POFUT3: variants seen among roughly 807,000 people sequenced by gnomAD.
POFUT3 encodes protein O-fucosyltransferase 3, also known as GDP-fucose protein O-fucosyltransferase 3.
At chr8:33,316,467 TC>T in the POFUT3 span, among the ~76,000 whole-genome samples, 3 of 151,712 alleles carry the variant, frequency 2.0e-5, no homozygotes, top group Non-Finnish European at 4.4e-5. Flanking sequence ...ATACCTGTAA[TC>T]CCAGCACTTT....
At chr8:33,353,396 T>G in the POFUT3 span, among the ~76,000 whole-genome samples, 1 of 152,228 alleles carries the variant, frequency 6.6e-6, no homozygotes, top group African/African-American at 2.4e-5. Flanking sequence ...TCTGATCAAG[T>G]TGACACAGAC....
chr8:33,414,942 A>G, the POFUT3 span, among the ~76,000 whole-genome samples: 1 of 144,048 alleles, frequency 6.9e-6, no homozygotes, highest in African/African-American at 2.6e-5. Flanking sequence ...CCATCACCAA[A>G]CCCCACTAAA....
At chr8:33,465,973 G>A in the POFUT3 span, among the ~76,000 whole-genome samples, 1 of 152,308 alleles carries the variant, frequency 6.6e-6, no homozygotes, top group East Asian at 1.9e-4. Flanking sequence ...CATAGCTCAG[G>A]TCTATCATAG....
At chr8:33,427,057 A>T in the POFUT3 span, among the ~76,000 whole-genome samples, 4 of 152,230 alleles carry the variant, frequency 2.6e-5, no homozygotes, top group East Asian at 7.7e-4. Flanking sequence ...GCAAACAAGC[A>T]TACAGCCCCC....
the POFUT3 span, among the ~76,000 whole-genome samples, chr8:33,333,396 C>G: frequency 6.6e-6 from 1 of 152,112 alleles, no homozygotes; most frequent in Admixed American, 6.6e-5. Context: ...GATATACTCC[C>G]TTCCTTTATA....
At chr8:33,414,825 G>C in the POFUT3 span, among the ~76,000 whole-genome samples, 6 of 152,004 alleles carry the variant, frequency 3.9e-5, no homozygotes, top group Middle Eastern at 3.4e-3. Context: ...AGTTGACTTG[G>C]ACACCTAAAC....
chr8:33,407,194 A>G, the POFUT3 span, among the ~76,000 whole-genome samples: 2 of 152,218 alleles, frequency 1.3e-5, no homozygotes, highest in African/African-American at 4.8e-5. Context: ...CAGATATTTT[A>G]TCTGAACATC....
the POFUT3 span, among the ~76,000 whole-genome samples, chr8:33,366,255 C>T: frequency 1.4e-4 from 21 of 152,028 alleles, no homozygotes; most frequent in African/African-American, 3.6e-4. Flanking sequence ...CAGGGCCTGT[C>T]GGGGATGGGA....
chr8:33,402,630 A>G, the POFUT3 span, among the ~76,000 whole-genome samples: 1 of 152,238 alleles, frequency 6.6e-6, no homozygotes, highest in Non-Finnish European at 1.5e-5. Flanking sequence ...AATACAATGT[A>G]TAAATTGTAT....
the POFUT3 span, among the ~76,000 whole-genome samples, chr8:33,448,860 G>A: frequency 6.6e-6 from 1 of 152,070 alleles, no homozygotes; most frequent in East Asian, 1.9e-4. Flanking sequence ...CCTGAATCTG[G>A]GAGGCGGAGG....
chr8:33,389,347 A>G, the POFUT3 span: 1 of 1,614,202 alleles, frequency 6.2e-7, no homozygotes, highest in South Asian at 1.1e-5. Flanking sequence ...AAGCTAGGAT[A>G]AACTTATACT....
chr8:33,418,106 C>T, the POFUT3 span, among the ~76,000 whole-genome samples: 7 of 152,138 alleles, frequency 4.6e-5, no homozygotes, highest in African/African-American at 1.7e-4. Context: ...CCCCCAGCCC[C>T]CAGCAGACTG....
At chr8:33,442,135 T>C in the POFUT3 span, among the ~76,000 whole-genome samples, 1 of 151,778 alleles carries the variant, frequency 6.6e-6, no homozygotes, top group Non-Finnish European at 1.5e-5. Flanking sequence ...TTTCTGTTTT[T>C]TGTTTTTTGT....
chr8:33,358,424 T>C, the POFUT3 span, among the ~76,000 whole-genome samples: 4 of 152,096 alleles, frequency 2.6e-5, no homozygotes, highest in African/African-American at 9.7e-5. Context: ...CAATTCTCAA[T>C]TGGAAAGAAA....
the POFUT3 span, among the ~76,000 whole-genome samples, chr8:33,432,921 G>T: frequency 4.6e-5 from 7 of 152,146 alleles, no homozygotes; most frequent in East Asian, 1.4e-3. Flanking sequence ...TTTTCTTGTA[G>T]CATATAGAAG....
the POFUT3 span, among the ~76,000 whole-genome samples, chr8:33,427,174 G>GAGC: frequency 6.6e-6 from 1 of 152,172 alleles, no homozygotes; most frequent in Non-Finnish European, 1.5e-5. Context: ...GGGGCTTGGT[G>GAGC]AGCAGCCAGG....
the POFUT3 span, among the ~76,000 whole-genome samples, chr8:33,321,449 C>A: frequency 2.0e-5 from 3 of 152,078 alleles, no homozygotes; most frequent in African/African-American, 7.2e-5. Flanking sequence ...TTCTCTCTCC[C>A]TCCCTCCACA....
the POFUT3 span, among the ~76,000 whole-genome samples, chr8:33,363,514 G>A: frequency 6.6e-6 from 1 of 152,118 alleles, no homozygotes; most frequent in Admixed American, 6.6e-5. Flanking sequence ...AAAATTGATA[G>A]ACTGCTAGCA....
chr8:33,419,571 G>A, the POFUT3 span, among the ~76,000 whole-genome samples: 1 of 152,192 alleles, frequency 6.6e-6, no homozygotes, highest in Non-Finnish European at 1.5e-5. Flanking sequence ...GTTCCTAACA[G>A]GCCACGGACA....
Sources: gnomAD v4.1 joint callset for allele counts (sites outside exome capture counted in the v4.1 genomes callset) on GRCh38, gnomAD v4.1.1 for gene constraint, MANE v1.5 for transcripts, NCBI Gene and HGNC (gene_info 2026-07-23, HGNC 2026-07-21) for gene names.